BCAS4: variants seen among roughly 807,000 people sequenced by gnomAD.
BCAS4 encodes breast carcinoma-amplified sequence 4.
A neutral mutation model predicts 15.7 loss-of-function variants in BCAS4; 9 were observed. The ratio of observed to expected loss-of-function variants is 0.57; its 90% CI spans 0.34 to 1.00. BCAS4 has a LOEUF of 1.00. BCAS4 is among the 50% of genes least tolerant of loss of function. The pLI is 0.02. For missense variants in BCAS4, 225 were observed against 239.1 expected, an observed-to-expected ratio of 0.94 and a Z score of 0.39; for synonymous variants, 101 against 99.5, an observed-to-expected ratio of 1.02 and a Z score of -0.09.
intron 4 of BCAS4, among the ~76,000 whole-genome samples, chr20:50,872,549 C>T (rs1301348118): frequency 4.1e-5 from 6 of 146,640 alleles, no homozygotes; most frequent in Admixed American, 1.4e-4. Context: ...CCAGCCTGGG[C>T]GACAGAGCGA....
intron 2 of BCAS4, among the ~76,000 whole-genome samples, chr20:50,829,780 A>G (rs545225697): frequency 5.7e-4 from 86 of 152,078 alleles, no homozygotes; most frequent in African/African-American, 1.8e-3. Context: ...TGAAAACTAA[A>G]GGAGATGGTG....
chr20:50,874,304 G>T (rs965348569), intron 4 of BCAS4, among the ~76,000 whole-genome samples: 3 of 152,132 alleles, frequency 2.0e-5, no homozygotes, highest in Non-Finnish European at 4.4e-5. Context: ...CTCAGCACAG[G>T]CTGTTCCCTC....
chr20:50,853,139 A>ATTTTTT (rs35651267), intron 4 of BCAS4, among the ~76,000 whole-genome samples: 11 of 106,892 alleles, frequency 1.0e-4, no homozygotes, highest in East Asian at 2.7e-4. Context: ...ATCCCCTTTC[A>ATTTTTT]TTTTTTTTTT....
chr20:50,867,832 T>TG (rs1343073300), intron 4 of BCAS4, among the ~76,000 whole-genome samples: 4 of 152,200 alleles, frequency 2.6e-5, no homozygotes, highest in Non-Finnish European at 5.9e-5. Flanking sequence ...GAGAATCATT[T>TG]GAACCCGGGA....
chr20:50,836,462 C>T (rs2088411816), intron 3 of BCAS4, among the ~76,000 whole-genome samples: 1 of 152,240 alleles, frequency 6.6e-6, no homozygotes, highest in African/African-American at 2.4e-5. Context: ...CCGCACCTGC[C>T]ATCTTGCAGA....
intron 2 of BCAS4, among the ~76,000 whole-genome samples, chr20:50,829,134 C>T (rs2088312998): frequency 6.6e-6 from 1 of 152,202 alleles, no homozygotes; most frequent in Admixed American, 6.5e-5. Context: ...ATTCCTATTC[C>T]AACGTTGCCT....
chr20:50,841,731 C>T, intron 3 of BCAS4, 35 bp from the exon 4 acceptor site: 1 of 1,613,772 alleles, frequency 6.2e-7, no homozygotes, highest in Non-Finnish European at 8.5e-7. Context: ...CCAGCCTGCA[C>T]AGATGCGGCA....
intron 2 of BCAS4, among the ~76,000 whole-genome samples, chr20:50,820,741 T>C (rs1190891961): frequency 6.6e-6 from 1 of 152,072 alleles, no homozygotes; most frequent in Non-Finnish European, 1.5e-5. Flanking sequence ...GTGGGAAGTG[T>C]GTGTGTCTGT....
Position 50,876,714 on chromosome 20 carries a change from T to C in BCAS4, c.*106T>C, listed in dbSNP as rs1979972600. ...CTGTTTATTTTATATTTTAAAAATATTTAAAAAAATGTCGAGATGGGGTCT... is the reference window on the plus strand; with the variant it reads ...CTGTTTATTTTATATTTTAAAAATACTTAAAAAAATGTCGAGATGGGGTCT... On this transcript the variant is annotated 3_prime_UTR_variant, in exon 5 of 5. Transcript: ENST00000371608. 33 of 1,329,836 alleles carry C rather than the reference T, an allele frequency of 2.5e-5. No individual in the cohort carries two copies. In the South Asian group the frequency reaches 5.6e-4, roughly 22 times the overall value. The allele number at this position is 1,329,836 out of a possible 1,614,324, so 82.4% of individuals were successfully genotyped here. A position where few individuals can be genotyped will look rare whatever the true frequency, so the allele number is the denominator to read the frequency against.
chr20:50,838,539 G>A (rs1202542497), intron 3 of BCAS4, among the ~76,000 whole-genome samples: 1 of 152,076 alleles, frequency 6.6e-6, no homozygotes, highest in Non-Finnish European at 1.5e-5. Flanking sequence ...GTGAAACACC[G>A]TCTTTATTAA....
At chr20:50,829,633 A>T (rs2088319647) in intron 2 of BCAS4, among the ~76,000 whole-genome samples, 2 of 152,040 alleles carry the variant, frequency 1.3e-5, no homozygotes, top group African/African-American at 4.8e-5. Context: ...GTTCTCTCTC[A>T]CACACACAGA....
In BCAS4 at chr20:50,823,386, G is replaced by T. The variant is rs570886133; in HGVS notation, c.162+5104G>T. 6.6e-5 allele frequency among the ~76,000 whole-genome samples: 10 copies of T among 152,092 alleles called. No homozygotes were observed. The South Asian group carries it at 2.1e-3, about 32-fold the overall frequency. ...GGCTTATTCATGATACTCCAAACTG[G>T]AAACAACCCAAATGTCCGTCAGCAG... On this transcript the variant is annotated intron_variant, in intron 2 of 4. Transcript: ENST00000371608.
At chr20:50,828,534 C>A (rs1237521490) in intron 2 of BCAS4, among the ~76,000 whole-genome samples, 1 of 152,174 alleles carries the variant, frequency 6.6e-6, no homozygotes, top group Non-Finnish European at 1.5e-5. Context: ...AATCCCAGAT[C>A]TTTGGGAGGC....
rs1368932922 is a variant in BCAS4 at position 50,841,759 on chromosome 20, C to T, written c.265-7C>T. On this transcript the variant is annotated splice_region_variant and splice_polypyrimidine_tract_variant and intron_variant, in intron 3 of 4. Coordinates refer to ENST00000371608, the MANE Select transcript of BCAS4 (RefSeq NM_198799.4). ...ATGCGGCATCATGGCTTCTCCGTGT[C>T]CCTCAGGCCTTCGTCAAGATGGTTG... is the stretch of plus-strand genomic sequence containing the variant. The T allele has an allele frequency of 6.2e-7, 1 of 1,613,958 alleles. No homozygotes were observed. Among genetic ancestry groups the T allele is most frequent in the Admixed American group, 1.7e-5 (1 of 60,018 alleles).
intron 2 of BCAS4, among the ~76,000 whole-genome samples, chr20:50,824,314 G>T (rs2088251575): frequency 6.6e-6 from 1 of 152,234 alleles, no homozygotes. Context: ...ATGTTCTTGG[G>T]TCAAATGCCT....
intron 4 of BCAS4, among the ~76,000 whole-genome samples, chr20:50,856,937 A>G (rs1345456165): frequency 6.6e-6 from 1 of 152,248 alleles, no homozygotes; most frequent in Non-Finnish European, 1.5e-5. Flanking sequence ...TTGAAGCAGT[A>G]TCAGAACTGG....
intron 1 of BCAS4, among the ~76,000 whole-genome samples, chr20:50,813,418 C>T (rs867950024): frequency 6.6e-6 from 1 of 152,296 alleles, no homozygotes; most frequent in Non-Finnish European, 1.5e-5. Context: ...CTGGGACCAG[C>T]GAGCAGGCTA....
At chr20:50,799,374 T>C (rs1327123133) in intron 1 of BCAS4, among the ~76,000 whole-genome samples, 2 of 152,186 alleles carry the variant, frequency 1.3e-5, no homozygotes, top group East Asian at 3.8e-4. Context: ...TTGAAGTTTA[T>C]TTACCAAAAG....
intron 4 of BCAS4, among the ~76,000 whole-genome samples, chr20:50,849,126 G>T (rs567690987): frequency 1.8e-4 from 27 of 152,370 alleles, no homozygotes; most frequent in Admixed American, 1.6e-3. Flanking sequence ...CCTGGCTCAC[G>T]TGCCCAGGGG....
Sources: gnomAD v4.1 joint callset for allele counts (sites outside exome capture counted in the v4.1 genomes callset) on GRCh38, gnomAD v4.1.1 for gene constraint, MANE v1.5 for transcripts, NCBI Gene and HGNC (gene_info 2026-07-23, HGNC 2026-07-21) for gene names.